MAP3K5: variants seen among roughly 807,000 people sequenced by gnomAD.
The protein encoded by MAP3K5 is ASK-1.
Under a neutral mutation model 158.7 loss-of-function variants are expected in MAP3K5, and 56 were observed. The observed-to-expected ratio is 0.35, with a 90% CI of 0.28 to 0.44. The LOEUF is 0.44. MAP3K5 is among the 20% of genes least tolerant of loss of function. MAP3K5 has a pLI of 1.00. For missense variants in MAP3K5, 1,294 were observed against 1,674.8 expected, an observed-to-expected ratio of 0.77 and a Z score of 3.97; for synonymous variants, 579 against 601.7, an observed-to-expected ratio of 0.96 and a Z score of 0.55.
chr6:136,557,828 G>A lies in MAP3K5; in HGVS notation c.4065-10C>T, dbSNP rs1445646005. On this transcript the variant is annotated splice_polypyrimidine_tract_variant and intron_variant, in intron 29 of 29. Transcript: ENST00000359015. ...GCACAGCATCCCTCCCCTGTTTAAA[G>A]ACACAAGAACATGGTGAAACGAACA... The A allele has an allele frequency of 1.3e-6, 2 of 1,593,968 alleles. No homozygotes were observed. Among genetic ancestry groups the A allele is most frequent in the Non-Finnish European group, 1.7e-6 (2 of 1,161,718 alleles).
At chr6:136,692,695 T>C (rs1562618193) in intron 7 of MAP3K5, among the ~76,000 whole-genome samples, 1 of 152,228 alleles carries the variant, frequency 6.6e-6, no homozygotes, top group Non-Finnish European at 1.5e-5. Context: ...TGTAGACCAT[T>C]TTCCCAGTCT....
At chr6:136,676,444 T>C (rs568176755) in intron 7 of MAP3K5, among the ~76,000 whole-genome samples, 1 of 152,344 alleles carries the variant, frequency 6.6e-6, no homozygotes, top group South Asian at 2.1e-4. Flanking sequence ...TCACTTTCAC[T>C]GTGTTACATT....
intron 6 of MAP3K5, 150 bp from the exon 7 acceptor site, chr6:136,694,460 C>T: frequency 1.6e-6 from 1 of 634,752 alleles, no homozygotes; most frequent in South Asian, 2.3e-5. Context: ...CTGTAAACCT[C>T]TGTCCTAAGC....
Position 136,728,144 on chromosome 6 carries a change from G to T in MAP3K5, c.449-7555C>A, listed in dbSNP as rs527923363. Among the ~76,000 whole-genome samples the T allele has an allele frequency of 9.9e-5, 15 of 152,186 alleles. 1 individual carries two copies. Among genetic ancestry groups the T allele is most frequent in the African/African-American group, 3.6e-4 (15 of 41,528 alleles). ...TTGTTAAAGCATAATAAAATTTTTA[G>T]GGTAATAACATTAAGCTATTAAGCT... On this transcript the variant is annotated intron_variant, in intron 1 of 29. Transcript: ENST00000359015.
At chr6:136,582,280 G>C (rs1316257767) in intron 24 of MAP3K5, among the ~76,000 whole-genome samples, 2 of 149,264 alleles carry the variant, frequency 1.3e-5, no homozygotes, top group Admixed American at 6.6e-5. Context: ...GTGTGTGTGT[G>C]TGTGTGTGTG....
intron 1 of MAP3K5, among the ~76,000 whole-genome samples, chr6:136,746,687 C>A (rs1359524724): frequency 1.3e-5 from 2 of 152,136 alleles, no homozygotes; most frequent in African/African-American, 4.8e-5. Context: ...TAACAATATT[C>A]TTTCCTTTTT....
chr6:136,593,734 A>T, intron 21 of MAP3K5: 1 of 418,064 alleles, frequency 2.4e-6, no homozygotes, highest in Non-Finnish European at 4.7e-6. Context: ...AAAAAAAAAG[A>T]AAGTGGTTTT....
chr6:136,717,783 ACTGC>A (rs1312346759), intron 2 of MAP3K5, among the ~76,000 whole-genome samples: 1 of 152,208 alleles, frequency 6.6e-6, no homozygotes, highest in South Asian at 2.1e-4. Flanking sequence ...AAATTGCTAG[ACTGC>A]CAAATATGCT....
chr6:136,729,691 G>A (rs777116836), intron 1 of MAP3K5, among the ~76,000 whole-genome samples: 2 of 152,228 alleles, frequency 1.3e-5, no homozygotes, highest in Non-Finnish European at 2.9e-5. Flanking sequence ...CCATGTCCAT[G>A]AGGTTTGAGA....
At chr6:136,779,010 AAAAAT>A (rs1272596744) in intron 1 of MAP3K5, among the ~76,000 whole-genome samples, 4 of 152,282 alleles carry the variant, frequency 2.6e-5, no homozygotes, top group African/African-American at 9.6e-5. Flanking sequence ...TACAAAAAAT[AAAAAT>A]AAGACTTGGC....
At chr6:136,692,897 A>G (rs1487806500) in intron 7 of MAP3K5, among the ~76,000 whole-genome samples, 1 of 152,258 alleles carries the variant, frequency 6.6e-6, no homozygotes, top group South Asian at 2.1e-4. Context: ...TGGAGGTGGC[A>G]GTGGGCCGAG....
At chr6:136,582,866 T>C (rs557472644) in intron 24 of MAP3K5, among the ~76,000 whole-genome samples, 20 of 152,186 alleles carry the variant, frequency 1.3e-4, no homozygotes, top group Non-Finnish European at 1.2e-4. Flanking sequence ...TGGCACTGAG[T>C]TCCACAGATA....
intron 11 of MAP3K5, among the ~76,000 whole-genome samples, chr6:136,649,695 G>C (rs1052345394): frequency 1.3e-5 from 2 of 152,196 alleles, no homozygotes; most frequent in African/African-American, 2.4e-5. Context: ...TTAGGATTTA[G>C]TCCACATAAT....
chr6:136,637,142 T>G, intron 14 of MAP3K5, 183 bp downstream of exon 14: 1 of 1,396,432 alleles, frequency 7.2e-7, no homozygotes, highest in Non-Finnish European at 9.4e-7. Flanking sequence ...GGAATAAGAA[T>G]TCTCCAATGT....
chr6:136,570,126 G>T (rs932900203), intron 25 of MAP3K5, among the ~76,000 whole-genome samples: 1 of 152,154 alleles, frequency 6.6e-6, no homozygotes, highest in African/African-American at 2.4e-5. Context: ...TTAAGAGCCC[G>T]TGTGTACAGG....
intron 26 of MAP3K5, 35 bp downstream of exon 26, chr6:136,567,591 TAAAAG>T (rs771829658): frequency 1.9e-6 from 3 of 1,563,464 alleles, no homozygotes; most frequent in Admixed American, 1.9e-5. Flanking sequence ...TTAGTAAAAG[TAAAAG>T]AAAAGAAACC....
At chr6:136,598,354 A>G (rs973751561) in intron 21 of MAP3K5, among the ~76,000 whole-genome samples, 1 of 152,238 alleles carries the variant, frequency 6.6e-6, no homozygotes, top group African/African-American at 2.4e-5. Flanking sequence ...GACTTCAGTC[A>G]CTGTCTCTCC....
At position 136,785,685 on chromosome 6, in the gene MAP3K5, C is replaced by A. The variant is rs1318449047; in HGVS notation, c.448+6025G>T. 2.0e-5 allele frequency among the ~76,000 whole-genome samples: 3 copies of A among 152,324 alleles called. No individual in the cohort carries two copies. The East Asian group carries it at 5.8e-4, about 29-fold the overall frequency. ...TCACACAGCATCCCGGTTCTCCCTG[C>A]AGCCACCTGATCTTCCCTTTGTCCC... is the stretch of plus-strand genomic sequence containing the variant. On this transcript the variant is annotated intron_variant, in intron 1 of 29. Transcript: ENST00000359015.
chr6:136,574,896 A>G (rs1351336674), intron 25 of MAP3K5, among the ~76,000 whole-genome samples: 3 of 151,760 alleles, frequency 2.0e-5, no homozygotes, highest in Non-Finnish European at 2.9e-5. Flanking sequence ...TCACTGTGTT[A>G]GCCAGGATGG....
Sources: allele counts gnomAD v4.1 joint callset (sites outside exome capture counted in the v4.1 genomes callset), GRCh38; gene constraint gnomAD v4.1.1; transcripts MANE v1.5; gene names NCBI Gene and HGNC (gene_info 2026-07-23, HGNC 2026-07-21).